Variants in TASP1 observed in about 807,000 individuals in gnomAD.
The protein encoded by TASP1 is taspase 1.
A neutral mutation model predicts 56.6 loss-of-function variants in TASP1; 16 were observed. The ratio of observed to expected loss-of-function variants is 0.28; its 90% CI spans 0.19 to 0.43. The LOEUF is 0.43. Among genes scored for constraint, TASP1 ranks in the 20% least tolerant of loss-of-function variants. TASP1 has a pLI of 1.00. For synonymous variants in TASP1, 179 were observed against 184.2 expected (o/e 0.97, Z 0.23); for missense variants, 393 against 511.6 (o/e 0.77, Z 2.24).
chr20:13,351,777 A>G, the TASP1 span, among the ~76,000 whole-genome samples: 1 of 152,160 alleles, frequency 6.6e-6, no homozygotes, highest in Non-Finnish European at 1.5e-5. Flanking sequence ...GCTCTATATA[A>G]ATTGAAATTT....
the TASP1 span, among the ~76,000 whole-genome samples, chr20:13,214,519 GCACACACACACACA>G: frequency 0.1 from 11,824 of 115,596 alleles, 680 homozygotes; most frequent in Non-Finnish European, 0.14. Context: ...ACAGAGACAG[GCACACACACACACA>G]CACACACACA....
chr20:13,353,014 AT>A, the TASP1 span, among the ~76,000 whole-genome samples: 1 of 152,080 alleles, frequency 6.6e-6, no homozygotes, highest in African/African-American at 2.4e-5. Flanking sequence ...AGATGGGAGG[AT>A]TGCTTGAGAC....
chr20:13,434,603 T>A (rs952095582), intron 12 of TASP1, among the ~76,000 whole-genome samples: 1 of 152,094 alleles, frequency 6.6e-6, no homozygotes, highest in African/African-American at 2.4e-5. Context: ...TGCACGAAGG[T>A]GTCATGGTTA....
chr20:13,409,470 C>T lies in TASP1; in HGVS notation c.1170+7978G>A, dbSNP rs6134864. Among the ~76,000 whole-genome samples, 13 of 152,190 alleles carry T rather than the reference C, an allele frequency of 8.5e-5. No homozygotes were observed. The East Asian group carries it at 2.5e-3, about 29-fold the overall frequency. ...TTTTTAATTGAATGGACCACATTTT[C>T]AATATGAAATGTCCTGTTTTATCTC... On this transcript the variant is annotated intron_variant, in intron 13 of 13. Transcript: ENST00000337743.
the TASP1 span, chr20:13,288,641 A>G: frequency 6.2e-7 from 1 of 1,614,044 alleles, no homozygotes; most frequent in Non-Finnish European, 8.5e-7. Flanking sequence ...CTACGCGTGC[A>G]CTGCAACAGA....
rs183635854 is a variant in TASP1 at position 13,552,637 on chromosome 20, G to A, written c.675+6371C>T. The stretch of plus-strand genomic sequence containing the variant: ...ACACTAAAGGAAGACTGGCAGCTAT[G>A]TGGTGACACTGAAAGAGCAAAAGGT... On this transcript the variant is annotated intron_variant, in intron 8 of 13. Transcript: ENST00000337743. Among the ~76,000 whole-genome samples, 830 of 152,272 alleles carry A rather than the reference G, an allele frequency of 5.5e-3. 4 individuals carry two copies. Among genetic ancestry groups the A allele is most frequent in the Non-Finnish European group, 9.3e-3 (634 of 68,026 alleles).
At chr20:13,427,322 A>G (rs1010737256) in intron 12 of TASP1, among the ~76,000 whole-genome samples, 2 of 152,222 alleles carry the variant, frequency 1.3e-5, no homozygotes, top group Non-Finnish European at 2.9e-5. Context: ...AACAGCAACA[A>G]AACAAAGTAC....
chr20:13,132,171 ATTTTTTTTT>A, the TASP1 span, among the ~76,000 whole-genome samples: 1 of 104,000 alleles, frequency 9.6e-6, no homozygotes, highest in East Asian at 2.7e-4. Flanking sequence ...CCTTGCTTTA[ATTTTTTTTT>A]TTTTTTTTTT....
intron 8 of TASP1, among the ~76,000 whole-genome samples, chr20:13,541,212 C>T (rs1046676394): frequency 6.6e-6 from 1 of 152,008 alleles, no homozygotes; most frequent in Non-Finnish European, 1.5e-5. Context: ...AGGGAAAAAG[C>T]CAGATAGAAA....
chr20:13,496,403 C>T (rs2043730614), intron 10 of TASP1, among the ~76,000 whole-genome samples: 1 of 151,718 alleles, frequency 6.6e-6, no homozygotes, highest in Non-Finnish European at 1.5e-5. Flanking sequence ...TACAGTGATA[C>T]TATCATCGCC....
chr20:13,395,857 A>G (rs561860067), intron 13 of TASP1, among the ~76,000 whole-genome samples: 2 of 150,622 alleles, frequency 1.3e-5, no homozygotes, highest in African/African-American at 4.9e-5. Flanking sequence ...GCGTGCCACT[A>G]CACCTGGCTA....
intron 11 of TASP1, among the ~76,000 whole-genome samples, chr20:13,442,226 C>G (rs1446939659): frequency 6.6e-6 from 1 of 151,840 alleles, no homozygotes; most frequent in East Asian, 1.9e-4. Context: ...ACCTTTAAAG[C>G]CCCCTAGTGA....
At chr20:13,229,420 A>G in the TASP1 span, among the ~76,000 whole-genome samples, 8 of 152,214 alleles carry the variant, frequency 5.3e-5, no homozygotes, top group Non-Finnish European at 7.3e-5. Flanking sequence ...ATGGAAATGT[A>G]CTTTTTGCAT....
At chr20:13,618,873 CT>C (rs113144299) in intron 4 of TASP1, among the ~76,000 whole-genome samples, 20,388 of 145,218 alleles carry the variant, frequency 0.14, 1,547 homozygotes, top group East Asian at 0.22. Context: ...TATCACTATT[CT>C]TTTTTTTTTT....
At chr20:13,249,779 CGTTTTGTTTT>C in the TASP1 span, among the ~76,000 whole-genome samples, 24,677 of 141,504 alleles carry the variant, frequency 0.17, 2,395 homozygotes, top group East Asian at 0.28. Context: ...TTTTTTGTTG[CGTTTTGTTTT>C]GTTTTGTTTT....
chr20:13,636,940 T>G (rs937945184), intron 1 of TASP1, among the ~76,000 whole-genome samples: 1 of 151,968 alleles, frequency 6.6e-6, no homozygotes, highest in South Asian at 2.1e-4. Flanking sequence ...AGGACACCAT[T>G]CAAGAAAGTA....
At chr20:13,229,438 T>C in the TASP1 span, among the ~76,000 whole-genome samples, 2 of 152,232 alleles carry the variant, frequency 1.3e-5, no homozygotes, top group Non-Finnish European at 1.5e-5. Flanking sequence ...CATTTTTCCA[T>C]GTGCCTGGCT....
At chr20:13,435,560 T>C (rs1490417875) in intron 11 of TASP1, among the ~76,000 whole-genome samples, 1 of 152,234 alleles carries the variant, frequency 6.6e-6, no homozygotes, top group Non-Finnish European at 1.5e-5. Flanking sequence ...TTCAGTTTAC[T>C]ACCTTAAATG....
chr20:13,602,269 C>T (rs1245054146), intron 4 of TASP1, among the ~76,000 whole-genome samples: 2 of 152,042 alleles, frequency 1.3e-5, no homozygotes, highest in Non-Finnish European at 2.9e-5. Flanking sequence ...ATTCCTCAAA[C>T]AGGTTATGGT....
Sources: allele counts gnomAD v4.1 joint callset (sites outside exome capture counted in the v4.1 genomes callset), GRCh38; gene constraint gnomAD v4.1.1; transcripts MANE v1.5; gene names NCBI Gene and HGNC (gene_info 2026-07-23, HGNC 2026-07-21).